IQSEC1: variants seen among roughly 807,000 people sequenced by gnomAD.
IQSEC1 encodes IQ motif and Sec7 domain ArfGEF 1, also known as IQ motif and SEC7 domain-containing protein 1.
Under a neutral mutation model 91.0 loss-of-function variants are expected in IQSEC1, and 31 were observed. The ratio of observed to expected loss-of-function variants is 0.34; its 90% CI spans 0.26 to 0.46. The LOEUF is 0.46. Among genes scored for constraint, IQSEC1 ranks in the 20% least tolerant of loss-of-function variants. The pLI, the probability that IQSEC1 is intolerant of heterozygous loss-of-function variation, is 1.00. For synonymous variants in IQSEC1, 699 were observed against 662.6 expected (o/e 1.05, Z -0.84); for missense variants, 1,388 against 1,575.6 (o/e 0.88, Z 2.02).
intron 1 of IQSEC1, among the ~76,000 whole-genome samples, chr3:13,179,704 G>A (rs1693800771): frequency 6.6e-6 from 1 of 152,260 alleles, no homozygotes; most frequent in Non-Finnish European, 1.5e-5. Context: ...GCCCCTTTCT[G>A]GGCTGGCCAA....
chr3:13,005,069 C>T (rs1323214365), intron 1 of IQSEC1, among the ~76,000 whole-genome samples: 2 of 151,736 alleles, frequency 1.3e-5, no homozygotes, highest in Non-Finnish European at 2.9e-5. Context: ...ATAAAATTCA[C>T]AGACTCCAAA....
chr3:12,942,927 C>T (rs764830970), intron 1 of IQSEC1, among the ~76,000 whole-genome samples: 80 of 152,338 alleles, frequency 5.3e-4, no homozygotes, highest in Middle Eastern at 6.8e-3. Context: ...GGGAACCCAC[C>T]CTGCCTACGC....
chr3:13,121,911 G>A (rs937721007), intron 2 of IQSEC1, among the ~76,000 whole-genome samples: 8 of 152,226 alleles, frequency 5.3e-5, no homozygotes, highest in South Asian at 2.1e-4. Context: ...GGACGGCCAC[G>A]GCAGTGGGAG....
chr3:12,902,457 G>A (rs1694426369), intron 13 of IQSEC1, among the ~76,000 whole-genome samples: 1 of 151,974 alleles, frequency 6.6e-6, no homozygotes, highest in South Asian at 2.1e-4. Context: ...AGGGACCACA[G>A]GTGATGGGGT....
chr3:13,129,343 G>A (rs1706568029), intron 2 of IQSEC1, among the ~76,000 whole-genome samples: 1 of 152,186 alleles, frequency 6.6e-6, no homozygotes, highest in South Asian at 2.1e-4. Context: ...CTCATTCCTG[G>A]TATTGGTAAT....
intron 1 of IQSEC1, among the ~76,000 whole-genome samples, chr3:13,044,049 G>A (rs577037741): frequency 1.3e-5 from 2 of 152,282 alleles, no homozygotes; most frequent in African/African-American, 4.8e-5. Context: ...TGTGCCTCTA[G>A]CAAGGCTGCT....
chr3:13,283,058 G>T (rs1307290004), exon 1 of IQSEC1, among the ~76,000 whole-genome samples: 4 of 145,006 alleles, frequency 2.8e-5, no homozygotes, highest in African/African-American at 7.4e-5. Context: ...ATGGCTGCGC[G>T]GCGGGGACGG....
chr3:13,061,389 A>G (rs1178575460), intron 1 of IQSEC1, among the ~76,000 whole-genome samples: 1 of 152,236 alleles, frequency 6.6e-6, no homozygotes, highest in African/African-American at 2.4e-5. Context: ...TTTAAAAAAT[A>G]TCTATCACTA....
chr3:13,072,892 C>G, intron 1 of IQSEC1, 100 bp downstream of exon 1: 1 of 1,081,202 alleles, frequency 9.2e-7, no homozygotes. Context: ...CCTGCACATC[C>G]ACCTGCCCCT....
intron 1 of IQSEC1, among the ~76,000 whole-genome samples, chr3:12,981,440 T>TA (rs1316883352): frequency 2.0e-5 from 3 of 152,114 alleles, no homozygotes; most frequent in Non-Finnish European, 4.4e-5. Flanking sequence ...AAGAAACTAA[T>TA]AACACGAGAC....
chr3:12,922,710 C>T lies in IQSEC1; in HGVS notation c.1731-468G>A, dbSNP rs1696746186. 6.6e-6 allele frequency among the ~76,000 whole-genome samples: 1 copy of T among 152,046 alleles called. No homozygotes were observed. The highest frequency in any genetic ancestry group is 1.5e-5 in the Non-Finnish European group (1 of 68,006). ...GCCTGTTCTCTTGTGGGGAGAGTAT[C>T]GGGGTGGTGGGCTGGGTTTTGCAGA... On this transcript the variant is annotated intron_variant, in intron 4 of 13. Coordinates refer to ENST00000613206, the MANE Select transcript of IQSEC1 (RefSeq NM_001134382.3). This position sits in a 1 kb window ranked among gnomAD's most constrained non-coding sequence, Gnocchi z 5.1.
At chr3:13,049,188 C>A (rs1175882702) in intron 1 of IQSEC1, among the ~76,000 whole-genome samples, 1 of 152,182 alleles carries the variant, frequency 6.6e-6, no homozygotes, top group Non-Finnish European at 1.5e-5. Flanking sequence ...GACAAGAGGA[C>A]CCAGCCCTCC....
chr3:13,217,181 C>T (rs1304849102), intron 1 of IQSEC1, among the ~76,000 whole-genome samples: 1 of 152,160 alleles, frequency 6.6e-6, no homozygotes, highest in East Asian at 1.9e-4. Context: ...TTGTAACTTT[C>T]ACTGAATGGT....
chr3:13,019,187 A>C (rs905723172), intron 1 of IQSEC1, among the ~76,000 whole-genome samples: 2 of 152,240 alleles, frequency 1.3e-5, no homozygotes, highest in African/African-American at 4.8e-5. Flanking sequence ...CCAGCTCCCA[A>C]GCTGTTCTGT....
rs1333125388 is a variant in IQSEC1 at position 12,899,700 on chromosome 3, CAG to C, written c.*1281_*1282del. 8 of 985,432 alleles carry C rather than the reference CAG, an allele frequency of 8.1e-6. No individual in the cohort carries two copies. The highest frequency in any genetic ancestry group is 7.2e-6 in the Non-Finnish European group (6 of 829,932). The allele number at this position is 985,432 out of a possible 1,614,324, so 61.0% of individuals were successfully genotyped here. Reference sequence around the variant, plus strand: ...AATTACGGTGATCACTGCTACCACTCAGAAAACAAAACGGGAAACACACACAC... The same window carrying C: ...AATTACGGTGATCACTGCTACCACTCAAAACAAAACGGGAAACACACACAC... On this transcript the variant is annotated 3_prime_UTR_variant, in exon 14 of 14. Transcript: ENST00000613206.
At chr3:12,957,405 G>A (rs115012325) in intron 1 of IQSEC1, among the ~76,000 whole-genome samples, 4,128 of 152,272 alleles carry the variant, frequency 0.027, 65 homozygotes, top group Middle Eastern at 0.051. Context: ...GGGCTCACTC[G>A]GAAAGATTTT....
intron 6 of IQSEC1, 80 bp from the exon 7 acceptor site, chr3:12,915,813 G>A (rs1696031282): frequency 6.5e-7 from 1 of 1,541,198 alleles, no homozygotes; most frequent in African/African-American, 1.4e-5. Flanking sequence ...AATCAGAGGA[G>A]CGAACCTTCC....
intron 2 of IQSEC1, among the ~76,000 whole-genome samples, chr3:13,082,998 G>A (rs607388): frequency 0.084 from 12,724 of 152,132 alleles, 772 homozygotes; most frequent in African/African-American, 0.16. Context: ...TTCCTGCCCC[G>A]CCAGCTCCCT....
chr3:13,091,055 CCCATT>C (rs1161479499), intron 2 of IQSEC1, among the ~76,000 whole-genome samples: 17 of 152,318 alleles, frequency 1.1e-4, no homozygotes, highest in African/African-American at 3.8e-4. Context: ...GCCCTGATGA[CCCATT>C]CTGTGCTCGG....
Sources: allele counts gnomAD v4.1 joint callset (sites outside exome capture counted in the v4.1 genomes callset), GRCh38; gene constraint gnomAD v4.1.1; non-coding constraint Gnocchi (gnomAD v3.1); transcripts MANE v1.5; gene names NCBI Gene and HGNC (gene_info 2026-07-23, HGNC 2026-07-21).